The following MYCBP2 variants were observed in gnomAD, a reference collection of about 807,000 sequenced individuals.
MYCBP2 encodes the protein MYC binding protein 2.
A neutral mutation model predicts 525.3 loss-of-function variants in MYCBP2; 120 were observed. The ratio of observed to expected loss-of-function variants is 0.23; its 90% CI spans 0.20 to 0.27. The LOEUF is 0.27. MYCBP2 is among the 10% of genes least tolerant of loss of function. The pLI is 1.00. For missense variants in MYCBP2, 4,149 were observed against 5,657.1 expected, an observed-to-expected ratio of 0.73 and a Z score of 8.55; for synonymous variants, 1,894 against 1,955.8, an observed-to-expected ratio of 0.97 and a Z score of 0.83.
chr13:77,185,672 T>C (rs1664451391), intron 31 of MYCBP2, among the ~76,000 whole-genome samples, 199 bp downstream of exon 31: 1 of 152,218 alleles, frequency 6.6e-6, no homozygotes, highest in Non-Finnish European at 1.5e-5. Context: ...CTATTACTTT[T>C]TGTATCAGAA....
intron 36 of MYCBP2, among the ~76,000 whole-genome samples, chr13:77,174,952 TTA>T (rs991835094): frequency 8.6e-6 from 1 of 116,640 alleles, no homozygotes; most frequent in Non-Finnish European, 1.6e-5. Flanking sequence ...ATTTTATATA[TTA>T]TATATATATA....
At chr13:77,196,692 T>C (rs1345125386) in intron 26 of MYCBP2, among the ~76,000 whole-genome samples, 3 of 152,156 alleles carry the variant, frequency 2.0e-5, no homozygotes, top group African/African-American at 7.2e-5. Flanking sequence ...GTCAGTTAAC[T>C]GGGATGGGGA....
At chr13:77,215,760 T>A (rs191850107) in intron 21 of MYCBP2, among the ~76,000 whole-genome samples, 1 of 152,130 alleles carries the variant, frequency 6.6e-6, no homozygotes, top group South Asian at 2.1e-4. Flanking sequence ...CTAATTTTTT[T>A]AATAGAGATG....
In MYCBP2 at chr13:77,224,678, T is replaced by G. The variant is rs183070233; in HGVS notation, c.2858-146A>C. 7.9e-6 allele frequency: 4 copies of G among 506,270 alleles called. 1 individual carries two copies. In the African/African-American group the frequency reaches 8.0e-5, roughly 10 times the overall value. 31.4% of individuals were successfully genotyped at this position (506,270 alleles called of 1,614,324 possible). ...AACTGAAGGACAAATTTGTATTTAA[T>G]GAGAAATTAATTTTAGTTCTGAAAA... is the stretch of plus-strand genomic sequence containing the variant. On this transcript the variant is annotated intron_variant, in intron 19 of 82. Transcript: ENST00000544440.
intron 55 of MYCBP2, among the ~76,000 whole-genome samples, chr13:77,113,489 G>C (rs1868937333): frequency 6.6e-6 from 1 of 151,870 alleles, no homozygotes; most frequent in African/African-American, 2.4e-5. Flanking sequence ...GTGAATAAAT[G>C]GAAGAATGAA....
chr13:77,242,174 T>G (rs2068951815), intron 17 of MYCBP2, among the ~76,000 whole-genome samples: 1 of 152,166 alleles, frequency 6.6e-6, no homozygotes. Flanking sequence ...AGTGCAGTGG[T>G]GCGATCATGG....
intron 18 of MYCBP2, among the ~76,000 whole-genome samples, chr13:77,231,163 A>G (rs901158812): frequency 5.3e-5 from 8 of 152,240 alleles, no homozygotes; most frequent in Non-Finnish European, 1.0e-4. Context: ...AAAATCCAAT[A>G]AAACTGGTCC....
intron 2 of MYCBP2, among the ~76,000 whole-genome samples, chr13:77,294,139 T>TAC (rs1432446768): frequency 7.7e-6 from 1 of 129,534 alleles, no homozygotes; most frequent in African/African-American, 2.8e-5. Flanking sequence ...TACATATATA[T>TAC]ATACATATAT....
At position 77,072,300 on chromosome 13, in the gene MYCBP2, G is replaced by GA. The variant is rs56238720; in HGVS notation, c.11824-1590dup. On this transcript the variant is annotated intron_variant, in intron 68 of 82. Coordinates refer to ENST00000544440, the MANE Select transcript of MYCBP2 (RefSeq NM_015057.5). ...GGCAAGACTCCATTTCAAAAAAAAA[G>GA]AAAAAAAAAAAAAAAAAGAAATCAA... 7.7e-4 allele frequency among the ~76,000 whole-genome samples: 93 copies of GA among 121,194 alleles called. No homozygotes were observed. The South Asian group carries it at 8.4e-3, about 11-fold the overall frequency. The allele number at this position is 121,194 out of a possible 152,430, so 79.5% of individuals were successfully genotyped here.
chr13:77,169,564 AAAAAG>A, intron 39 of MYCBP2, 45 bp downstream of exon 39: 1 of 1,512,036 alleles, frequency 6.6e-7, no homozygotes, highest in Non-Finnish European at 9.1e-7. Flanking sequence ...TCTTTTTTTA[AAAAAG>A]ATATTTAAAA....
At chr13:77,145,873 A>C (rs1280149298) in intron 48 of MYCBP2, among the ~76,000 whole-genome samples, 2 of 151,838 alleles carry the variant, frequency 1.3e-5, no homozygotes, top group Non-Finnish European at 2.9e-5. Flanking sequence ...AAACAAACTA[A>C]TCAACCCTAA....
At chr13:77,076,916 CAT>C in intron 67 of MYCBP2, 67 bp from the exon 68 acceptor site, 1 of 1,263,956 alleles carries the variant, frequency 7.9e-7, no homozygotes, top group Non-Finnish European at 1.1e-6. Context: ...CCAGAGGACT[CAT>C]TAGCTGATTC....
intron 12 of MYCBP2, 57 bp downstream of exon 12, chr13:77,261,114 T>G: frequency 7.1e-7 from 1 of 1,402,756 alleles, no homozygotes; most frequent in Admixed American, 2.1e-5. Context: ...AAAGTTTTAT[T>G]TTTACTAAAA....
chr13:77,064,535 T>G, intron 73 of MYCBP2, 80 bp downstream of exon 73: 1 of 1,396,556 alleles, frequency 7.2e-7, no homozygotes, highest in Non-Finnish European at 9.6e-7. Flanking sequence ...TGATTAAAAT[T>G]TGTTTAAATC....
chr13:77,066,101 T>C lies in MYCBP2; in HGVS notation c.12456-13A>G. The C allele has an allele frequency of 6.3e-7, 1 of 1,595,526 alleles. No individual in the cohort carries two copies. The highest frequency in any genetic ancestry group is 8.6e-7 in the Non-Finnish European group (1 of 1,164,852). ...TCGTCGGAGATAACTACAAGAAAAA[T>C]TAGCACTTAAAAAGCCAATAAATTA... On this transcript the variant is annotated splice_polypyrimidine_tract_variant and intron_variant, in intron 71 of 82. Transcript: ENST00000544440.
At chr13:77,195,388 C>T (rs141830285) in intron 26 of MYCBP2, among the ~76,000 whole-genome samples, 91 of 152,216 alleles carry the variant, frequency 6.0e-4, no homozygotes, top group African/African-American at 1.9e-3. Context: ...TATGAGGTCA[C>T]GAGTTTGACA....
intron 17 of MYCBP2, among the ~76,000 whole-genome samples, chr13:77,233,939 AC>A (rs1453892308): frequency 6.6e-6 from 1 of 151,926 alleles, no homozygotes; most frequent in African/African-American, 2.4e-5. Context: ...GGGGCACCTA[AC>A]CCAAATAACA....
chr13:77,177,662 A>G (rs1244711869), intron 35 of MYCBP2, 86 bp downstream of exon 35: 4 of 1,090,316 alleles, frequency 3.7e-6, no homozygotes, highest in Non-Finnish European at 5.5e-6. Context: ...TGATTGATCT[A>G]GTAAACCCCT....
intron 7 of MYCBP2, among the ~76,000 whole-genome samples, chr13:77,268,139 T>C (rs1458550760): frequency 2.6e-5 from 4 of 152,190 alleles, no homozygotes; most frequent in Non-Finnish European, 5.9e-5. Context: ...TGATGTAACA[T>C]ATTCCCAGAA....
Sources: allele counts gnomAD v4.1 joint callset (sites outside exome capture counted in the v4.1 genomes callset), GRCh38; gene constraint gnomAD v4.1.1; transcripts MANE v1.5; gene names NCBI Gene and HGNC (gene_info 2026-07-23, HGNC 2026-07-21).